The following COG6 variants were observed in gnomAD, a reference collection of about 807,000 sequenced individuals.
COG6 encodes the protein component of oligomeric golgi complex 6.
A neutral mutation model predicts 88.8 loss-of-function variants in COG6; 74 were observed. That is an observed-to-expected ratio of 0.83 (90% CI 0.69 to 1.01). The LOEUF is 1.01. Ranked by LOEUF, COG6 falls within the 50% of genes least tolerant of loss-of-function variation. The pLI, the probability that COG6 is intolerant of heterozygous loss-of-function variation, is 0.00. For missense variants in COG6, 800 were observed against 797.9 expected, an observed-to-expected ratio of 1.00 and a Z score of -0.03; for synonymous variants, 286 against 278.7, an observed-to-expected ratio of 1.03 and a Z score of -0.26.
At chr13:39,746,454 G>A (rs1263662229) in intron 18 of COG6, among the ~76,000 whole-genome samples, 1 of 152,092 alleles carries the variant, frequency 6.6e-6, no homozygotes, top group African/African-American at 2.4e-5. Context: ...AAAATTCACT[G>A]TTTTCACTGC....
chr13:39,670,319 T>C (rs1437624058), intron 4 of COG6, among the ~76,000 whole-genome samples: 1 of 152,064 alleles, frequency 6.6e-6, no homozygotes, highest in Non-Finnish European at 1.5e-5. Context: ...TTTTATTATC[T>C]CTTATAAAGG....
intron 18 of COG6, among the ~76,000 whole-genome samples, chr13:39,742,760 G>A (rs1880118471): frequency 2.6e-5 from 4 of 152,114 alleles, no homozygotes; most frequent in African/African-American, 9.7e-5. Context: ...AGACCTAATA[G>A]ACATCTACAG....
intron 18 of COG6, among the ~76,000 whole-genome samples, chr13:39,750,147 A>G (rs1448315011): frequency 6.6e-6 from 1 of 152,184 alleles, no homozygotes; most frequent in Non-Finnish European, 1.5e-5. Context: ...AAATCAGAAA[A>G]TTAGTACCAG....
Position 39,684,243 on chromosome 13 carries a change from A to ATTTTTTTTTTTTTT in COG6, c.788+1991_788+2004dup, listed in dbSNP as rs1203671335. On this transcript the variant is annotated intron_variant, in intron 8 of 18. Coordinates refer to ENST00000455146, the MANE Select transcript of COG6 (RefSeq NM_020751.3). ...GGGGGCAGTAATGGCAATTTGGAAG[A>ATTTTTTTTTTTTTT]TTTTTTTTTTTTTTTTTTTTTTTTT... is the stretch of plus-strand genomic sequence containing the variant. Among the ~76,000 whole-genome samples, 383 of 67,348 alleles carry ATTTTTTTTTTTTTT rather than the reference A, an allele frequency of 5.7e-3. 77 individuals are homozygous for ATTTTTTTTTTTTTT. Among genetic ancestry groups the ATTTTTTTTTTTTTT allele is most frequent in the Non-Finnish European group, 6.7e-3 (262 of 39,214 alleles). 44.2% of individuals were successfully genotyped at this position (67,348 alleles called of 152,430 possible).
intron 17 of COG6, among the ~76,000 whole-genome samples, chr13:39,725,580 T>A (rs1412231375): frequency 6.6e-6 from 1 of 151,870 alleles, no homozygotes; most frequent in East Asian, 1.9e-4. Context: ...GGTGGAGCTA[T>A]CTATATGATT....
chr13:39,724,412 GC>G, intron 16 of COG6, 95 bp from the exon 17 acceptor site: 1 of 904,284 alleles, frequency 1.1e-6, no homozygotes, highest in Non-Finnish European at 1.8e-6. Flanking sequence ...CCAAATTTGG[GC>G]AGTGCACTAA....
intron 12 of COG6, among the ~76,000 whole-genome samples, chr13:39,698,241 CCATTTGTTTT>C (rs765821701): frequency 1.1e-4 from 17 of 151,310 alleles, no homozygotes; most frequent in Non-Finnish European, 2.2e-4. Context: ...TAAATTGTTT[CCATTTGTTTT>C]CATTTAATTT....
intron 18 of COG6, among the ~76,000 whole-genome samples, chr13:39,734,948 A>G (rs1277257481): frequency 6.6e-6 from 1 of 151,912 alleles, no homozygotes; most frequent in Non-Finnish European, 1.5e-5. Flanking sequence ...TTCCACTGGC[A>G]TGGAGTATCT....
rs1346514175 is a variant in COG6, at chr13:39,687,641, TCAGA to T, written c.917+14_917+17del. 1.9e-6 allele frequency: 3 copies of T among 1,613,698 alleles called. No homozygotes were observed. In the African/African-American group the frequency reaches 4.0e-5, roughly 22 times the overall value. ...CTCATGACCCTTTGAGGTATAGTAA[TCAGA>T]CAGCAGAAGAGGAGTTGATGTTTTT... On this transcript the variant is annotated intron_variant, in intron 9 of 18. Coordinates refer to ENST00000455146, the MANE Select transcript of COG6 (RefSeq NM_020751.3).
chr13:39,690,436 C>CT, intron 11 of COG6, among the ~76,000 whole-genome samples: 1 of 151,952 alleles, frequency 6.6e-6, no homozygotes, highest in East Asian at 1.9e-4. Context: ...GTGAGGATGA[C>CT]TGTGTAGATG....
intron 18 of COG6, among the ~76,000 whole-genome samples, chr13:39,769,638 A>G (rs1240289516): frequency 6.6e-6 from 1 of 152,212 alleles, no homozygotes; most frequent in East Asian, 1.9e-4. Context: ...AGAGGGAAAT[A>G]GTCGAATACA....
chr13:39,769,239 A>G (rs1257296814), intron 18 of COG6, among the ~76,000 whole-genome samples: 1 of 152,214 alleles, frequency 6.6e-6, no homozygotes, highest in East Asian at 1.9e-4. Context: ...CCTACCTTGG[A>G]GTGAAATTCC....
In COG6 at chr13:39,706,255, T is replaced by TTATATATATATATATATA. The variant is rs71298976; in HGVS notation, c.1284+6643_1284+6660dup. Among the ~76,000 whole-genome samples, 72 of 114,656 alleles carry TTATATATATATATATATA rather than the reference T, an allele frequency of 6.3e-4. 1 individual carries two copies. Among genetic ancestry groups the TTATATATATATATATATA allele is most frequent in the African/African-American group, 1.0e-3 (32 of 30,788 alleles). The allele number at this position is 114,656 out of a possible 152,430, so 75.2% of individuals were successfully genotyped here. A position where few individuals can be genotyped will look rare whatever the true frequency, so the allele number is the denominator to read the frequency against. On this transcript the variant is annotated intron_variant, in intron 13 of 18. Transcript: ENST00000455146. ...CTCCTTTATATATATATATACTCCT[T>TTATATATATATATATATA]TATATATATATATATATATATATTT...
At chr13:39,718,159 T>G (rs530393773) in intron 13 of COG6, among the ~76,000 whole-genome samples, 13 of 152,260 alleles carry the variant, frequency 8.5e-5, no homozygotes, top group African/African-American at 2.9e-4. Flanking sequence ...TATATTTTCT[T>G]GTTTGCTTGC....
chr13:39,657,669 G>A (rs1874608677), intron 1 of COG6, among the ~76,000 whole-genome samples: 1 of 152,088 alleles, frequency 6.6e-6, no homozygotes, highest in Non-Finnish European at 1.5e-5. Context: ...ATAGAAACAT[G>A]AAAGGGTAAG....
chr13:39,698,912 T>C lies in COG6; in HGVS notation c.1167-589T>C, dbSNP rs115905313. On this transcript the variant is annotated intron_variant, in intron 12 of 18. Transcript: ENST00000455146. The stretch of plus-strand genomic sequence containing the variant: ...TGAATGGGTCTAAGAAATAGCCTTA[T>C]ACAATAGCAAATTGAGGATTATGGA... Among the ~76,000 whole-genome samples, 1,265 of 151,950 alleles carry C rather than the reference T, an allele frequency of 8.3e-3. 22 individuals are homozygous for C. The highest frequency in any genetic ancestry group is 0.029 in the African/African-American group (1,198 of 41,532).
At chr13:39,762,317 C>T (rs565530200) in intron 18 of COG6, among the ~76,000 whole-genome samples, 20 of 151,780 alleles carry the variant, frequency 1.3e-4, no homozygotes, top group African/African-American at 4.3e-4. Flanking sequence ...AAACATTGAT[C>T]TCATAGAAGT....
intron 10 of COG6, among the ~76,000 whole-genome samples, chr13:39,688,957 A>G (rs1208409478): frequency 6.6e-6 from 1 of 152,214 alleles, no homozygotes; most frequent in Admixed American, 6.5e-5. Context: ...AAGATGAGTC[A>G]GTGTTACAAA....
Position 39,682,163 on chromosome 13 carries a change from T to C in COG6, c.695-8T>C, listed in dbSNP as rs1050320018. 6.3e-7 allele frequency: 1 copy of C among 1,590,000 alleles called. No homozygotes were observed. The highest frequency in any genetic ancestry group is 1.3e-5 in the African/African-American group (1 of 74,438). On this transcript the variant is annotated splice_region_variant and splice_polypyrimidine_tract_variant and intron_variant, in intron 7 of 18. Coordinates refer to ENST00000455146, the MANE Select transcript of COG6 (RefSeq NM_020751.3). ...TTAACAAAAGTTATAATGTTAATTATTTTTCAGGTGAATGCAGAACATTGA... is the reference window on the plus strand; with the variant it reads ...TTAACAAAAGTTATAATGTTAATTACTTTTCAGGTGAATGCAGAACATTGA...
Sources: gnomAD v4.1 joint callset for allele counts (sites outside exome capture counted in the v4.1 genomes callset) on GRCh38, gnomAD v4.1.1 for gene constraint, MANE v1.5 for transcripts, NCBI Gene and HGNC (gene_info 2026-07-23, HGNC 2026-07-21) for gene names.